The following SCAPER variants were observed in gnomAD, a reference collection of about 807,000 sequenced individuals.
The protein encoded by SCAPER is S-phase cyclin A associated protein in the ER, also known as S phase cyclin A-associated protein in the endoplasmic reticulum.
A neutral mutation model predicts 182.2 loss-of-function variants in SCAPER; 98 were observed. The observed-to-expected ratio is 0.54, with a 90% CI of 0.46 to 0.64. The LOEUF (loss-of-function observed/expected upper bound fraction) is 0.64, where lower values mean the gene tolerates loss of function less well. SCAPER is among the 30% of genes least tolerant of loss of function. SCAPER has a pLI of 0.00. For missense variants in SCAPER, 1,432 were observed against 1,690.0 expected, an observed-to-expected ratio of 0.85 and a Z score of 2.68; for synonymous variants, 605 against 564.6, an observed-to-expected ratio of 1.07 and a Z score of -1.01.
intron 24 of SCAPER, among the ~76,000 whole-genome samples, chr15:76,497,973 G>C (rs1003782449): frequency 7.5e-5 from 9 of 119,972 alleles, no homozygotes; most frequent in African/African-American, 2.6e-4. Flanking sequence ...CCTGGTGATG[G>C]AGCGAGACTC....
intron 20 of SCAPER, among the ~76,000 whole-genome samples, chr15:76,699,318 A>AG (rs1310516409): frequency 6.6e-6 from 1 of 152,010 alleles, no homozygotes; most frequent in East Asian, 1.9e-4. Context: ...GAGTGGCGAG[A>AG]GTGGGAATCC....
chr15:76,417,447 T>C (rs1409624155), intron 26 of SCAPER, among the ~76,000 whole-genome samples: 1 of 152,240 alleles, frequency 6.6e-6, no homozygotes, highest in Non-Finnish European at 1.5e-5. Flanking sequence ...GCAGGATCAA[T>C]AGGTGCTGGA....
intron 23 of SCAPER, among the ~76,000 whole-genome samples, chr15:76,533,431 A>G (rs544628816): frequency 6.6e-6 from 1 of 152,148 alleles, no homozygotes; most frequent in Non-Finnish European, 1.5e-5. Flanking sequence ...AGTATTCAGC[A>G]TAGTATTCAG....
intron 25 of SCAPER, among the ~76,000 whole-genome samples, chr15:76,447,021 A>C (rs1413071254): frequency 6.6e-6 from 1 of 152,198 alleles, no homozygotes; most frequent in African/African-American, 2.4e-5. Context: ...CAGTGTTTTG[A>C]GCACATTTAA....
intron 21 of SCAPER, among the ~76,000 whole-genome samples, chr15:76,622,386 T>C (rs1316014837): frequency 6.6e-6 from 1 of 151,100 alleles, no homozygotes; most frequent in African/African-American, 2.4e-5. Context: ...TTACCCACAA[T>C]GTAAAACAAT....
At chr15:76,383,083 TAGG>T (rs2043061964) in intron 27 of SCAPER, among the ~76,000 whole-genome samples, 1 of 56,880 alleles carries the variant, frequency 1.8e-5, no homozygotes, top group Non-Finnish European at 6.5e-5. Context: ...AGTGTGTGTA[TAGG>T]TGTGTGTGTG....
At chr15:76,667,080 A>AAAT (rs1433124787) in intron 20 of SCAPER, among the ~76,000 whole-genome samples, 2 of 152,102 alleles carry the variant, frequency 1.3e-5, no homozygotes, top group Non-Finnish European at 2.9e-5. Context: ...AAACAAGTGT[A>AAAT]TTTTGCCTCT....
intron 20 of SCAPER, among the ~76,000 whole-genome samples, chr15:76,692,696 G>GAAAAAAAAAAAAAAAAAAAAAAAA (rs71143354): frequency 1.0e-5 from 1 of 98,786 alleles, no homozygotes; most frequent in Non-Finnish European, 2.0e-5. Flanking sequence ...TTCAAAAAAA[G>GAAAAAAAAAAAAAAAAAAAAAAAA]AAAAAAAAAA....
In SCAPER at chr15:76,804,704, G is replaced by A. The variant is rs918043312; in HGVS notation, c.394-71C>T. The A allele has an allele frequency of 9.5e-6, 9 of 942,942 alleles. No homozygotes were observed. In the Admixed American group the frequency reaches 1.1e-4, roughly 11 times the overall value. The allele number at this position is 942,942 out of a possible 1,614,324, so 58.4% of individuals were successfully genotyped here. A position where few individuals can be genotyped will look rare whatever the true frequency, so the allele number is the denominator to read the frequency against. The stretch of plus-strand genomic sequence containing the variant: ...AAAAACTTTGAAGAAAAAAAAGAGT[G>A]AACAACTTAAGAATTAGTAGTTTTT... On this transcript the variant is annotated intron_variant, in intron 5 of 31. Coordinates refer to ENST00000563290, the MANE Select transcript of SCAPER (RefSeq NM_020843.4).
Position 76,604,331 on chromosome 15 carries a change from C to T in SCAPER, c.2711+17433G>A, listed in dbSNP as rs1298498279. 2.5e-5 allele frequency among the ~76,000 whole-genome samples: 3 copies of T among 120,138 alleles called. 1 individual carries two copies. Among genetic ancestry groups the T allele is most frequent in the Non-Finnish European group, 6.1e-5 (3 of 49,476 alleles). The allele number at this position is 120,138 out of a possible 152,430, so 78.8% of individuals were successfully genotyped here. ...GTCAGGTTTGTCAAAGATCAGATAG[C>T]TGTAGATATGCGGCATTATTTCTGA... On this transcript the variant is annotated intron_variant, in intron 22 of 31. Coordinates refer to ENST00000563290, the MANE Select transcript of SCAPER (RefSeq NM_020843.4).
chr15:76,562,799 T>C (rs1021229313), intron 23 of SCAPER, among the ~76,000 whole-genome samples: 2 of 152,192 alleles, frequency 1.3e-5, no homozygotes, highest in Admixed American at 6.6e-5. Context: ...CCAGGATACA[T>C]GCTTACAGGC....
chr15:76,439,205 C>G (rs145362441), intron 25 of SCAPER, among the ~76,000 whole-genome samples: 1 of 152,034 alleles, frequency 6.6e-6, no homozygotes, highest in African/African-American at 2.4e-5. Context: ...CATGCTTCAC[C>G]TTCCCAAGAA....
intron 1 of SCAPER, among the ~76,000 whole-genome samples, chr15:76,895,120 A>C (rs2074364085): frequency 6.6e-6 from 1 of 152,234 alleles, no homozygotes; most frequent in African/African-American, 2.4e-5. Context: ...ATATAGATTC[A>C]AAAATCCTCC....
At chr15:76,698,802 T>C (rs1314398359) in intron 20 of SCAPER, among the ~76,000 whole-genome samples, 1 of 152,250 alleles carries the variant, frequency 6.6e-6, no homozygotes, top group Non-Finnish European at 1.5e-5. Context: ...CTGTGAAGAA[T>C]GTCATTGGTA....
At chr15:76,389,286 A>C (rs2142002813) in intron 27 of SCAPER, among the ~76,000 whole-genome samples, 1 of 151,344 alleles carries the variant, frequency 6.6e-6, no homozygotes, top group Non-Finnish European at 1.5e-5. Flanking sequence ...GGATCACCTG[A>C]GGTCAGGAGT....
chr15:76,752,594 T>A (rs144993097), intron 15 of SCAPER, among the ~76,000 whole-genome samples: 2 of 151,826 alleles, frequency 1.3e-5, no homozygotes, highest in East Asian at 3.9e-4. Flanking sequence ...ACTGAAGACC[T>A]TATGCTAAAT....
chr15:76,580,687 C>G (rs2048206113), intron 22 of SCAPER, among the ~76,000 whole-genome samples: 1 of 151,994 alleles, frequency 6.6e-6, no homozygotes, highest in Non-Finnish European at 1.5e-5. Flanking sequence ...AAGTTTGTAC[C>G]TATAAGCATT....
intron 21 of SCAPER, 143 bp downstream of exon 21, chr15:76,665,510 T>C: frequency 1.1e-6 from 1 of 939,752 alleles, no homozygotes; most frequent in Non-Finnish European, 1.5e-6. Flanking sequence ...TCAAGGAAAG[T>C]GGCTATAAAT....
intron 22 of SCAPER, among the ~76,000 whole-genome samples, chr15:76,580,275 C>T (rs1294154660): frequency 6.6e-6 from 1 of 152,184 alleles, no homozygotes; most frequent in South Asian, 2.1e-4. Context: ...TGTTAGACCA[C>T]AAAATAAGTC....
Sources: allele counts gnomAD v4.1 joint callset (sites outside exome capture counted in the v4.1 genomes callset), GRCh38; gene constraint gnomAD v4.1.1; transcripts MANE v1.5; gene names NCBI Gene and HGNC (gene_info 2026-07-23, HGNC 2026-07-21).